ERBB4: variants seen among roughly 807,000 people sequenced by gnomAD.
ERBB4 encodes receptor tyrosine-protein kinase erbB-4.
ERBB4 carries 42 observed loss-of-function variants against 158.0 expected under a neutral mutation model. The observed-to-expected ratio is 0.27, with a 90% CI of 0.21 to 0.34. The LOEUF (loss-of-function observed/expected upper bound fraction) is 0.34. Ranked by LOEUF, ERBB4 falls within the 10% of genes least tolerant of loss-of-function variation. ERBB4 has a pLI of 1.00. For synonymous variants in ERBB4, 583 were observed against 558.7 expected (o/e 1.04, Z -0.61); for missense variants, 1,333 against 1,624.1 (o/e 0.82, Z 3.08).
intron 20 of ERBB4, among the ~76,000 whole-genome samples, chr2:211,445,614 A>C (rs1319724179): frequency 1.3e-5 from 2 of 152,150 alleles, no homozygotes; most frequent in African/African-American, 2.4e-5. Context: ...GGACGTACAA[A>C]AAGATAACAG....
chr2:211,644,384 A>G (rs1042829134), intron 16 of ERBB4, among the ~76,000 whole-genome samples: 22 of 151,950 alleles, frequency 1.4e-4, no homozygotes, highest in Admixed American at 4.6e-4. Context: ...TTCAAAAGCT[A>G]TTGCCTAGGC....
At chr2:212,023,134 T>G (rs1425744480) in intron 2 of ERBB4, among the ~76,000 whole-genome samples, 1 of 152,126 alleles carries the variant, frequency 6.6e-6, no homozygotes, top group Non-Finnish European at 1.5e-5. Flanking sequence ...ATGGGAACAC[T>G]GTTTAATCTG....
At chr2:212,447,020 G>A (rs1435477706) in intron 1 of ERBB4, among the ~76,000 whole-genome samples, 9 of 147,374 alleles carry the variant, frequency 6.1e-5, no homozygotes, top group African/African-American at 1.0e-4. Flanking sequence ...TTATTTTGAC[G>A]GAGTCTCGCT....
chr2:211,678,450 G>A (rs2072189591), intron 13 of ERBB4, among the ~76,000 whole-genome samples: 1 of 151,974 alleles, frequency 6.6e-6, no homozygotes, highest in Admixed American at 6.5e-5. Flanking sequence ...AAAGAAAACT[G>A]GAATATATTT....
chr2:212,317,205 C>A (rs78428807), intron 1 of ERBB4, among the ~76,000 whole-genome samples: 21,772 of 151,254 alleles, frequency 0.14, 1,672 homozygotes, highest in South Asian at 0.22. Context: ...TCAGCATTTG[C>A]AATCAAAAAC....
chr2:212,504,078 T>C (rs1416961632), intron 1 of ERBB4, among the ~76,000 whole-genome samples: 2 of 152,186 alleles, frequency 1.3e-5, no homozygotes, highest in Admixed American at 1.3e-4. Flanking sequence ...CCTGAGACCA[T>C]AGAGAGACGA....
intron 12 of ERBB4, among the ~76,000 whole-genome samples, chr2:211,701,677 A>G (rs889087867): frequency 5.5e-5 from 8 of 145,318 alleles, no homozygotes; most frequent in African/African-American, 2.1e-4. Context: ...AATGGCGTGA[A>G]CCTGGGAGGC....
intron 19 of ERBB4, among the ~76,000 whole-genome samples, chr2:211,593,115 T>C (rs937391816): frequency 2.0e-5 from 3 of 151,980 alleles, no homozygotes; most frequent in African/African-American, 7.2e-5. Context: ...GGATGGCAGC[T>C]GGCAAGGTGA....
intron 20 of ERBB4, among the ~76,000 whole-genome samples, chr2:211,500,355 G>C (rs1214178307): frequency 6.6e-6 from 1 of 151,936 alleles, no homozygotes; most frequent in African/African-American, 2.4e-5. Context: ...GAGAGCTCTA[G>C]GTAATAGTCT....
At chr2:211,996,432 C>T (rs2082202059) in intron 2 of ERBB4, among the ~76,000 whole-genome samples, 1 of 151,794 alleles carries the variant, frequency 6.6e-6, no homozygotes, top group Admixed American at 6.6e-5. Flanking sequence ...AGAATGAAAG[C>T]TGATAGAGTA....
chr2:212,228,096 T>C (rs1291511669), intron 1 of ERBB4, among the ~76,000 whole-genome samples: 1 of 152,186 alleles, frequency 6.6e-6, no homozygotes, highest in Admixed American at 6.5e-5. Context: ...AATACTCCTT[T>C]TCACCTCCCC....
chr2:212,240,867 C>T (rs1244431068), intron 1 of ERBB4, among the ~76,000 whole-genome samples: 2 of 151,932 alleles, frequency 1.3e-5, no homozygotes, highest in Non-Finnish European at 2.9e-5. Flanking sequence ...CCATGTCTTG[C>T]AAGACGGACA....
At chr2:211,722,999 T>C (rs1364526166) in intron 6 of ERBB4, among the ~76,000 whole-genome samples, 1 of 152,214 alleles carries the variant, frequency 6.6e-6, no homozygotes. Context: ...TGATGGTGAT[T>C]TATATCGGAC....
chr2:211,576,339 C>T (rs1360357032), intron 19 of ERBB4, among the ~76,000 whole-genome samples: 1 of 152,120 alleles, frequency 6.6e-6, no homozygotes, highest in South Asian at 2.1e-4. Context: ...AGAGGGCATC[C>T]AATTCTGGTC....
chr2:212,080,439 C>T (rs1026413442), intron 2 of ERBB4, among the ~76,000 whole-genome samples: 4 of 151,148 alleles, frequency 2.6e-5, no homozygotes, highest in African/African-American at 9.7e-5. Context: ...ATCTTTAAGG[C>T]TAAGGTATAT....
intron 1 of ERBB4, among the ~76,000 whole-genome samples, chr2:212,195,973 C>G (rs1333139318): frequency 1.3e-5 from 2 of 151,878 alleles, no homozygotes; most frequent in African/African-American, 4.8e-5. Context: ...AAATTTTCAT[C>G]CAAAAATAAA....
At chr2:211,732,361 G>GAAA (rs78246905) in intron 5 of ERBB4, among the ~76,000 whole-genome samples, 30,628 of 148,238 alleles carry the variant, frequency 0.21, 3,911 homozygotes, top group Non-Finnish European at 0.3. Context: ...GGTCTTTTTT[G>GAAA]AAAAAAAAAA....
intron 1 of ERBB4, among the ~76,000 whole-genome samples, chr2:212,437,834 C>T (rs147991823): frequency 2.6e-5 from 4 of 152,138 alleles, no homozygotes; most frequent in Admixed American, 6.6e-5. Context: ...TAGAATACCT[C>T]ATCTTCCTTT....
intron 1 of ERBB4, among the ~76,000 whole-genome samples, chr2:212,278,783 T>C (rs997208226): frequency 6.6e-6 from 1 of 151,672 alleles, no homozygotes; most frequent in Non-Finnish European, 1.5e-5. Context: ...AATATATAGA[T>C]ACTTGAAAGA....
Sources: gnomAD v4.1 joint callset for allele counts (sites outside exome capture counted in the v4.1 genomes callset) on GRCh38, gnomAD v4.1.1 for gene constraint, MANE v1.5 for transcripts, NCBI Gene and HGNC (gene_info 2026-07-23, HGNC 2026-07-21) for gene names.